Variants in IL21R observed in about 807,000 individuals in gnomAD.
IL21R encodes the protein interleukin 21 receptor.
IL21R carries 14 observed loss-of-function variants against 41.3 expected under a neutral mutation model. That is an observed-to-expected ratio of 0.34 (90% CI 0.22 to 0.53). The LOEUF is 0.53. Ranked by LOEUF, IL21R falls within the 20% of genes least tolerant of loss-of-function variation. IL21R has a pLI of 0.94. For synonymous variants in IL21R, 286 were observed against 287.6 expected (o/e 0.99, Z 0.05); for missense variants, 588 against 681.6 (o/e 0.86, Z 1.53).
chr16:27,414,205 A>G (rs1240540813), intron 1 of IL21R, among the ~76,000 whole-genome samples: 1 of 85,234 alleles, frequency 1.2e-5, no homozygotes, highest in Non-Finnish European at 2.5e-5. Context: ...TAATTAGATT[A>G]AAGAAGACTC....
At chr16:27,426,140 A>T (rs1424359579) in intron 1 of IL21R, among the ~76,000 whole-genome samples, 1 of 152,118 alleles carries the variant, frequency 6.6e-6, no homozygotes, top group East Asian at 1.9e-4. Flanking sequence ...CATTACTCCC[A>T]TTTTACAGAT....
intron 8 of IL21R, chr16:27,447,768 C>A (rs1484180669): frequency 1.3e-5 from 2 of 152,308 alleles, no homozygotes; most frequent in African/African-American, 4.8e-5. Flanking sequence ...GGCCAAGTGT[C>A]TGTCTGGTGG....
At chr16:27,404,974 A>C (rs993297327) in intron 1 of IL21R, among the ~76,000 whole-genome samples, 4 of 152,098 alleles carry the variant, frequency 2.6e-5, no homozygotes. Context: ...TGGGGAAGGC[A>C]AAAGAGCTGG....
chr16:27,449,358 T>A lies in IL21R; in HGVS notation c.*75T>A. On this transcript the variant is annotated 3_prime_UTR_variant, in exon 9 of 9. Coordinates refer to ENST00000337929, the MANE Select transcript of IL21R (RefSeq NM_181078.3). ...AGAGACAAGGTCACCTGGGCTGTGA[T>A]GTGAAGACACCTGCAGCCTTTGGTC... 1 of 1,449,932 alleles carries A rather than the reference T, an allele frequency of 6.9e-7. No individual in the cohort carries two copies. The highest frequency in any genetic ancestry group is 2.3e-5 in the East Asian group (1 of 43,294). 89.8% of individuals were successfully genotyped at this position (1,449,932 alleles called of 1,614,324 possible). A position where few individuals can be genotyped will look rare whatever the true frequency, so the allele number is the denominator to read the frequency against.
chr16:27,428,249 G>T (rs1412060410), intron 1 of IL21R, among the ~76,000 whole-genome samples: 2 of 152,238 alleles, frequency 1.3e-5, no homozygotes, highest in Non-Finnish European at 2.9e-5. Flanking sequence ...CTCAGAGAGG[G>T]CAAGGGACTG....
chr16:27,418,169 A>G (rs1320969181), intron 1 of IL21R, among the ~76,000 whole-genome samples: 1 of 151,208 alleles, frequency 6.6e-6, no homozygotes, highest in Non-Finnish European at 1.5e-5. Context: ...TCCCGGGTTC[A>G]CGCCATTCTC....
chr16:27,446,179 C>T (rs941985787), intron 8 of IL21R, 91 bp downstream of exon 8: 2 of 1,027,884 alleles, frequency 1.9e-6, no homozygotes, highest in South Asian at 1.5e-5. Context: ...CCAGCCTCAC[C>T]CCACAGGCCT....
Position 27,451,532 on chromosome 16 carries a change from G to A in IL21R, c.*2249G>A, listed in dbSNP as rs968660780. On this transcript the variant is annotated 3_prime_UTR_variant, in exon 9 of 9. Transcript: ENST00000337929. ...GAGACCAGCCTGGGCAACATAGCAA[G>A]GCCCCATCTCTACAAAAATTATTAT... 2 of 208,410 alleles carry A rather than the reference G, an allele frequency of 9.6e-6. No homozygotes were observed. The highest frequency in any genetic ancestry group is 2.0e-5 in the Non-Finnish European group (2 of 102,432). 12.9% of individuals were successfully genotyped at this position (208,410 alleles called of 1,614,324 possible).
chr16:27,420,732 A>G (rs1368603292), intron 1 of IL21R, among the ~76,000 whole-genome samples: 1 of 152,220 alleles, frequency 6.6e-6, no homozygotes, highest in South Asian at 2.1e-4. Context: ...TGATTTGCAA[A>G]TGCTTTTTTT....
chr16:27,444,390 G>A, intron 5 of IL21R, 152 bp from the exon 6 acceptor site: 1 of 489,384 alleles, frequency 2.0e-6, no homozygotes, highest in Non-Finnish European at 3.5e-6. Context: ...CCATGCCTGA[G>A]TCCAGCTACT....
At chr16:27,409,908 C>A (rs1212642324) in intron 1 of IL21R, among the ~76,000 whole-genome samples, 3 of 152,086 alleles carry the variant, frequency 2.0e-5, no homozygotes, top group Non-Finnish European at 4.4e-5. Flanking sequence ...TTTACTGAAA[C>A]TTTACTTCAA....
rs60418304 is a variant in IL21R at position 27,440,222 on chromosome 16, A to AATATATATATATAT, written c.352+2549_352+2562dup. Among the ~76,000 whole-genome samples the AATATATATATATAT allele has an allele frequency of 4.6e-3, 349 of 75,734 alleles. 7 individuals are homozygous for AATATATATATATAT. The highest frequency in any genetic ancestry group is 5.7e-3 in the Non-Finnish European group (245 of 43,106). The allele number at this position is 75,734 out of a possible 152,430, so 49.7% of individuals were successfully genotyped here. A position where few individuals can be genotyped will look rare whatever the true frequency, so the allele number is the denominator to read the frequency against. On this transcript the variant is annotated intron_variant, in intron 4 of 8. Coordinates refer to ENST00000337929, the MANE Select transcript of IL21R (RefSeq NM_181078.3). ...GCAAGGTTCATTAGTTAATCTGACA[A>AATATATATATATAT]ATATATATATATATATATATATATA...
chr16:27,440,207 T>C (rs1172561234), intron 4 of IL21R, among the ~76,000 whole-genome samples: 2 of 131,746 alleles, frequency 1.5e-5, no homozygotes, highest in African/African-American at 3.0e-5. Context: ...GCAAGGTTCA[T>C]TAGTTAATCT....
intron 1 of IL21R, among the ~76,000 whole-genome samples, chr16:27,423,870 G>A (rs927775945): frequency 1.3e-5 from 2 of 152,158 alleles, no homozygotes; most frequent in East Asian, 1.9e-4. Flanking sequence ...TGGGTTTTAG[G>A]TAGGGCATGT....
chr16:27,441,967 G>A (rs1180480746), intron 4 of IL21R, among the ~76,000 whole-genome samples: 3 of 152,094 alleles, frequency 2.0e-5, no homozygotes, highest in African/African-American at 4.8e-5. Flanking sequence ...AGCTATGATC[G>A]CACCACTGCA....
intron 8 of IL21R, 142 bp from the exon 9 acceptor site, chr16:27,448,392 T>G: frequency 2.4e-6 from 2 of 832,142 alleles, no homozygotes; most frequent in Admixed American, 6.3e-5. Flanking sequence ...GAGGCAGAGG[T>G]TGCAGTGAAC....
intron 2 of IL21R, among the ~76,000 whole-genome samples, chr16:27,430,413 T>A (rs887685721): frequency 6.6e-6 from 1 of 152,184 alleles, no homozygotes; most frequent in African/African-American, 2.4e-5. Flanking sequence ...CGTCCTTCAT[T>A]TCCCCTGACC....
chr16:27,440,285 C>A lies in IL21R; in HGVS notation c.352+2598C>A, dbSNP rs1157392769. Among the ~76,000 whole-genome samples the A allele has an allele frequency of 6.7e-4, 62 of 92,598 alleles. 4 individuals are homozygous for A. Among genetic ancestry groups the A allele is most frequent in the African/African-American group, 1.8e-3 (33 of 18,360 alleles). The allele number at this position is 92,598 out of a possible 152,430, so 60.7% of individuals were successfully genotyped here. A position where few individuals can be genotyped will look rare whatever the true frequency, so the allele number is the denominator to read the frequency against. The stretch of plus-strand genomic sequence containing the variant: ...GAGAGAGAGAGAGAGAGAGAGCGAG[C>A]AAGCGCGCGCCAGGGTGTAGCTTTG... On this transcript the variant is annotated intron_variant, in intron 4 of 8. Transcript: ENST00000337929.
chr16:27,448,701 T>C lies in IL21R; in HGVS notation c.1035T>C (p.Gly345=). 1 of 1,613,178 alleles carries C rather than the reference T, an allele frequency of 6.2e-7. No homozygotes were observed. The highest frequency in any genetic ancestry group is 8.5e-7 in the Non-Finnish European group (1 of 1,179,992). The part of the protein sequence containing the change: ...QEPAELVESD[G]VPKPSFWPTA... ...CAGCAGAGCTGGTGGAGTCTGACGG[T>C]GTGCCCAAGCCCAGCTTCTGGCCGA... The change falls in exon 9 of 9, where the codon GGT becomes GGC. Residue 345 remains glycine (G), a synonymous_variant. Transcript: ENST00000337929.
Sources: gnomAD v4.1 joint callset for allele counts (sites outside exome capture counted in the v4.1 genomes callset) on GRCh38, gnomAD v4.1.1 for gene constraint, MANE v1.5 for transcripts, NCBI Gene and HGNC (gene_info 2026-07-23, HGNC 2026-07-21) for gene names.